The following FLT3LG variants were observed in gnomAD, a reference collection of about 807,000 sequenced individuals.
FLT3LG encodes the protein fms-related tyrosine kinase 3 ligand.
A neutral mutation model predicts 30.9 loss-of-function variants in FLT3LG; 8 were observed. The observed-to-expected ratio is 0.26, with a 90% CI of 0.15 to 0.47. The LOEUF (loss-of-function observed/expected upper bound fraction) is 0.47. FLT3LG is among the 20% of genes least tolerant of loss of function. The pLI is 0.99. For missense variants in FLT3LG, 278 were observed against 306.2 expected, an observed-to-expected ratio of 0.91 and a Z score of 0.69; for synonymous variants, 123 against 135.9, an observed-to-expected ratio of 0.91 and a Z score of 0.66.
In FLT3LG at chr19:49,474,430, G is replaced by A. The variant is rs967674468; in HGVS notation, c.-38+149G>A. The A allele has an allele frequency of 2.4e-5, 15 of 615,260 alleles. No individual in the cohort carries two copies. The South Asian group carries it at 2.5e-4, about 10-fold the overall frequency. The allele number at this position is 615,260 out of a possible 1,614,324, so 38.1% of individuals were successfully genotyped here. On this transcript the variant is annotated intron_variant, in intron 1 of 8. Transcript: ENST00000597551. ...GGACCAGACGTCGAGGTTCTTAGAAGTGGAGATGAAGAGTTTTCACCGTAA... is the reference window on the plus strand; with the variant it reads ...GGACCAGACGTCGAGGTTCTTAGAAATGGAGATGAAGAGTTTTCACCGTAA...
chr19:49,474,709 G>A, intron 2 of FLT3LG, 37 bp downstream of exon 2: 1 of 1,606,068 alleles, frequency 6.2e-7, no homozygotes. Context: ...GGGGAGAGGG[G>A]AGGCACAATG....
intron 5 of FLT3LG, 151 bp from the exon 6 acceptor site, chr19:49,478,758 A>G: frequency 4.2e-6 from 3 of 716,550 alleles, no homozygotes; most frequent in Non-Finnish European, 4.0e-6. Flanking sequence ...CTCTATCTCA[A>G]AAAAAAATTA....
chr19:49,478,869 G>A (rs771426751), intron 5 of FLT3LG, 40 bp from the exon 6 acceptor site: 1 of 1,471,354 alleles, frequency 6.8e-7, no homozygotes, highest in Non-Finnish European at 9.1e-7. Context: ...GGGCGGTGGG[G>A]GGATGACGTG....
At chr19:49,482,150 G>A (rs1038276948) in intron 8 of FLT3LG, 1 of 150,700 alleles carries the variant, frequency 6.6e-6, no homozygotes, top group African/African-American at 2.4e-5. Context: ...TTTTGAGATG[G>A]AGTCTTGCTC....
rs756367356 is a variant in FLT3LG at position 49,479,069 on chromosome 19, C to G, written c.481+22C>G. ...CCCGGTAAAGGCTTCCAGGCACCCC[C>G]ACTCCTTCCCCTCCTGTCCTCACGG... On this transcript the variant is annotated intron_variant, in intron 6 of 8. Coordinates refer to ENST00000597551, the MANE Select transcript of FLT3LG (RefSeq NM_001459.4). 2.8e-5 allele frequency: 45 copies of G among 1,595,520 alleles called. No individual in the cohort carries two copies. In the East Asian group the frequency reaches 6.9e-4, roughly 24 times the overall value.
chr19:49,475,727 C>T lies in FLT3LG; in HGVS notation c.70C>T (p.Leu24Phe), dbSNP rs751677001. 6 of 1,611,126 alleles carry T rather than the reference C, an allele frequency of 3.7e-6. No individual in the cohort carries two copies. Among genetic ancestry groups the T allele is most frequent in the Middle Eastern group, 1.7e-4 (1 of 6,052 alleles). ...LLLLLLLSSG[L>F]SGTQDCSFQH... is the part of the protein sequence containing the mutation. ...CCTGCTGCTGCTGCTGAGCTCGGGA[C>T]TCAGTGGGACCCAGGACTGCTCCTT... The change falls in exon 3 of 9, where the codon CTC (leucine) becomes TTC (phenylalanine). Residue 24 changes from leucine to phenylalanine, a missense_variant. Physicochemically the swap from Leu to Phe is conservative, Grantham distance 22 (BLOSUM62 0). Coordinates refer to ENST00000597551, the MANE Select transcript of FLT3LG (RefSeq NM_001459.4).
intron 8 of FLT3LG, among the ~76,000 whole-genome samples, chr19:49,485,496 T>A (rs936856769): frequency 6.6e-6 from 1 of 152,140 alleles, no homozygotes; most frequent in Admixed American, 6.6e-5. Flanking sequence ...TGGTGCAATC[T>A]CGACTCACTG....
intron 5 of FLT3LG, among the ~76,000 whole-genome samples, chr19:49,477,357 T>C (rs2079428812): frequency 6.6e-6 from 1 of 150,996 alleles, no homozygotes; most frequent in Non-Finnish European, 1.5e-5. Context: ...GGTGGGAGGA[T>C]CACTTGAGCC....
Position 49,476,694 on chromosome 19 carries a change from C to A in FLT3LG, c.342+128C>A. The A allele has an allele frequency of 8.0e-7, 1 of 1,244,878 alleles. No individual in the cohort carries two copies. Among genetic ancestry groups the A allele is most frequent in the Admixed American group, 2.2e-5 (1 of 45,558 alleles). 77.1% of individuals were successfully genotyped at this position (1,244,878 alleles called of 1,614,324 possible). ...CCCAACGAAGGTAGAGCGAGAAGCG[C>A]CACCCTGCAGAGCCCTGTTCCTACA... On this transcript the variant is annotated intron_variant, in intron 5 of 8. Coordinates refer to ENST00000597551, the MANE Select transcript of FLT3LG (RefSeq NM_001459.4). The surrounding 1 kb of genome is among the most constrained non-coding windows in gnomAD (Gnocchi z 5.3).
intron 8 of FLT3LG, among the ~76,000 whole-genome samples, chr19:49,484,671 A>G (rs1221939499): frequency 1.3e-5 from 2 of 151,588 alleles, no homozygotes; most frequent in Non-Finnish European, 2.9e-5. Context: ...TAATTTTTGT[A>G]TTTTTAGTAG....
rs1157248159 is a variant in FLT3LG at position 49,486,200 on chromosome 19, T to G, written c.*207T>G. 1 of 152,682 alleles carries G rather than the reference T, an allele frequency of 6.5e-6. No homozygotes were observed. Among genetic ancestry groups the G allele is most frequent in the Non-Finnish European group, 1.5e-5 (1 of 68,072 alleles). 9.5% of individuals were successfully genotyped at this position (152,682 alleles called of 1,614,324 possible). A position where few individuals can be genotyped will look rare whatever the true frequency, so the allele number is the denominator to read the frequency against. Reference sequence around the variant, plus strand: ...ACTCTGTACAAAGCCCTTGTCCCCATGAAATTGTATATAAATCATCCTTTT... The same window carrying G: ...ACTCTGTACAAAGCCCTTGTCCCCAGGAAATTGTATATAAATCATCCTTTT... On this transcript the variant is annotated 3_prime_UTR_variant, in exon 9 of 9. Coordinates refer to ENST00000597551, the MANE Select transcript of FLT3LG (RefSeq NM_001459.4).
Position 49,476,393 on chromosome 19 carries a change from T to C in FLT3LG, c.199-30T>C. 1 of 1,598,672 alleles carries C rather than the reference T, an allele frequency of 6.3e-7. No homozygotes were observed. Among genetic ancestry groups the C allele is most frequent in the Non-Finnish European group, 8.5e-7 (1 of 1,172,048 alleles). On this transcript the variant is annotated intron_variant, in intron 4 of 8. Coordinates refer to ENST00000597551, the MANE Select transcript of FLT3LG (RefSeq NM_001459.4). The surrounding 1 kb of genome is among the most constrained non-coding windows in gnomAD (Gnocchi z 5.3). ...ACCCAGCAGCCCCGTGCCCAGCTCC[T>C]CCCTCAGACCCGTGGGTTCTCCCCT...
chr19:49,475,895 A>T, intron 3 of FLT3LG, 94 bp downstream of exon 3: 1 of 1,225,582 alleles, frequency 8.2e-7, no homozygotes, highest in Non-Finnish European at 1.1e-6. Context: ...TGTGTTTCCC[A>T]GGGTGGTCTT....
At chr19:49,480,235 C>G (rs1017506365) in intron 6 of FLT3LG, 63 bp from the exon 7 acceptor site, 151 of 1,194,186 alleles carry the variant, frequency 1.3e-4, no homozygotes, top group Middle Eastern at 8.8e-4. Flanking sequence ...GGCAGCCAGG[C>G]CTCTCTTTCC....
chr19:49,480,713 G>C lies in FLT3LG; in HGVS notation c.*21+93G>C, dbSNP rs556370104. ...ATGGAAGGGTGGTGAGCAGTGGAGG[G>C]GCAGGGGCAGCTCTAGGTGCAGAAA... On this transcript the variant is annotated intron_variant, in intron 8 of 8. Coordinates refer to ENST00000597551, the MANE Select transcript of FLT3LG (RefSeq NM_001459.4). 26 of 1,327,696 alleles carry C rather than the reference G, an allele frequency of 2.0e-5. No homozygotes were observed. The South Asian group carries it at 3.2e-4, about 17-fold the overall frequency. The allele number at this position is 1,327,696 out of a possible 1,614,324, so 82.2% of individuals were successfully genotyped here. A position where few individuals can be genotyped will look rare whatever the true frequency, so the allele number is the denominator to read the frequency against.
chr19:49,479,177 T>A lies in FLT3LG; in HGVS notation c.481+130T>A, dbSNP rs111969067. On this transcript the variant is annotated intron_variant, in intron 6 of 8. Transcript: ENST00000597551. ...ACAAGGGCAAGCTTATTCCTCTTTC[T>A]GGAGCTCAGTTTACCAATTTTTTTT... is the stretch of plus-strand genomic sequence containing the variant. 1.7e-3 allele frequency: 1,436 copies of A among 824,910 alleles called. 13 individuals carry two copies. In the African/African-American group the frequency reaches 0.023, roughly 13 times the overall value. 51.1% of individuals were successfully genotyped at this position (824,910 alleles called of 1,614,324 possible).
At chr19:49,474,350 G>A (rs2079300001) in intron 1 of FLT3LG, 69 bp downstream of exon 1, 1 of 563,756 alleles carries the variant, frequency 1.8e-6, no homozygotes, top group South Asian at 2.1e-5. Context: ...TGGGGCAGGG[G>A]GAGCAGAGGG....
At position 49,475,774 on chromosome 19, in the gene FLT3LG, C is replaced by A; in HGVS notation, c.117C>A (p.Ser39=). ...CCTTCCAACACAGCCCCATCTCCTC[C>A]GACTTCGCTGTCAAAATCCGTGAGC... is the stretch of plus-strand genomic sequence containing the variant. ...DCSFQHSPIS[S]DFAVKIRELS... Residue 39 remains serine (S), a synonymous_variant, in exon 3 of 9, where the codon TCC becomes TCA. Coordinates refer to ENST00000597551, the MANE Select transcript of FLT3LG (RefSeq NM_001459.4). 2 of 1,612,704 alleles carry A rather than the reference C, an allele frequency of 1.2e-6. No homozygotes were observed. The highest frequency in any genetic ancestry group is 4.5e-5 in the East Asian group (2 of 44,878).
chr19:49,475,891 TC>T, intron 3 of FLT3LG, 90 bp downstream of exon 3: 2 of 1,276,662 alleles, frequency 1.6e-6, no homozygotes, highest in Non-Finnish European at 2.2e-6. Flanking sequence ...TCCCTGTGTT[TC>T]CCAGGGTGGT....
Sources: gnomAD v4.1 joint callset for allele counts (sites outside exome capture counted in the v4.1 genomes callset) on GRCh38, gnomAD v4.1.1 for gene constraint, Gnocchi (gnomAD v3.1) non-coding constraint, MANE v1.5 for transcripts, NCBI Gene and HGNC (gene_info 2026-07-23, HGNC 2026-07-21) for gene names.